The following ADARB2 variants were observed in gnomAD, a reference collection of about 807,000 sequenced individuals.
ADARB2 encodes the protein inactive double-stranded RNA-specific editase B2.
Under a neutral mutation model 62.2 loss-of-function variants are expected in ADARB2, and 25 were observed. The ratio of observed to expected loss-of-function variants is 0.40; its 90% CI spans 0.29 to 0.56. The LOEUF (loss-of-function observed/expected upper bound fraction) is 0.56. ADARB2 is among the 20% of genes least tolerant of loss of function. ADARB2 has a pLI of 0.43. For synonymous variants in ADARB2, 572 were observed against 500.8 expected (o/e 1.14, Z -1.90); for missense variants, 1,071 against 1,077.4 (o/e 0.99, Z 0.08).
chr10:1,523,461 C>G (rs1564316457), intron 1 of ADARB2, among the ~76,000 whole-genome samples: 1 of 152,124 alleles, frequency 6.6e-6, no homozygotes, highest in Non-Finnish European at 1.5e-5. Flanking sequence ...GCTTGCTGGG[C>G]CATCCCACCC....
At chr10:1,256,577 A>C (rs960786483) in intron 4 of ADARB2, among the ~76,000 whole-genome samples, 1 of 152,218 alleles carries the variant, frequency 6.6e-6, no homozygotes, top group Non-Finnish European at 1.5e-5. Context: ...CTCAAAATAC[A>C]TAGAATTTGG....
At chr10:1,605,244 C>T (rs934772629) in intron 1 of ADARB2, among the ~76,000 whole-genome samples, 10 of 152,176 alleles carry the variant, frequency 6.6e-5, no homozygotes, top group African/African-American at 1.4e-4. Context: ...GGTCCCTGAG[C>T]GCCTCGTTCC....
At chr10:1,274,158 C>G (rs1055095461) in intron 3 of ADARB2, among the ~76,000 whole-genome samples, 2 of 152,254 alleles carry the variant, frequency 1.3e-5, no homozygotes, top group Non-Finnish European at 2.9e-5. Context: ...GTCCGCCCCA[C>G]GGCACATGGG....
intron 1 of ADARB2, among the ~76,000 whole-genome samples, chr10:1,665,243 A>C (rs564058578): frequency 6.6e-6 from 1 of 152,356 alleles, no homozygotes; most frequent in Admixed American, 6.5e-5. Flanking sequence ...ATCTTTCCTT[A>C]ATATTTAAGA....
At chr10:1,375,120 G>T (rs1366583081) in intron 2 of ADARB2, among the ~76,000 whole-genome samples, 1 of 152,186 alleles carries the variant, frequency 6.6e-6, no homozygotes, top group Non-Finnish European at 1.5e-5. Context: ...AGCAGGTGCG[G>T]CTGTCAGGAA....
At chr10:1,256,587 GGGTA>G (rs563930013) in intron 4 of ADARB2, among the ~76,000 whole-genome samples, 2 of 152,136 alleles carry the variant, frequency 1.3e-5, no homozygotes, top group Non-Finnish European at 2.9e-5. Flanking sequence ...ATAGAATTTG[GGGTA>G]GGATACCACA....
At chr10:1,645,714 G>A (rs1834032084) in intron 1 of ADARB2, among the ~76,000 whole-genome samples, 3 of 151,782 alleles carry the variant, frequency 2.0e-5, no homozygotes, top group Non-Finnish European at 4.4e-5. Context: ...CCACCTCCCT[G>A]CCATCTACAC....
At chr10:1,478,347 T>C (rs1341026412) in intron 1 of ADARB2, among the ~76,000 whole-genome samples, 1 of 152,214 alleles carries the variant, frequency 6.6e-6, no homozygotes, top group East Asian at 1.9e-4. Context: ...GAGGTTTCCA[T>C]GGCTGGATAT....
chr10:1,185,822 C>G (rs1306025984), intron 8 of ADARB2, among the ~76,000 whole-genome samples: 1 of 152,214 alleles, frequency 6.6e-6, no homozygotes, highest in African/African-American at 2.4e-5. Context: ...GACTTTTAAC[C>G]CGGACCATAC....
chr10:1,201,116 A>G (rs985627506), intron 7 of ADARB2, among the ~76,000 whole-genome samples: 1 of 152,222 alleles, frequency 6.6e-6, no homozygotes, highest in Non-Finnish European at 1.5e-5. Flanking sequence ...TTTAAATTTT[A>G]TTCCAAAAAC....
rs115761769 is a variant in ADARB2 at position 1,603,227 on chromosome 10, T to C, written c.100+133824A>G. On this transcript the variant is annotated intron_variant, in intron 1 of 9. Transcript: ENST00000381312. Reference sequence around the variant, plus strand: ...CGGGGTGGAGCTGGGATGAGGAAGATGGATTCTTCGGACAATTGGTAGGCA... The same window carrying C: ...CGGGGTGGAGCTGGGATGAGGAAGACGGATTCTTCGGACAATTGGTAGGCA... Among the ~76,000 whole-genome samples the C allele has an allele frequency of 7.5e-3, 1,137 of 152,206 alleles. 16 individuals are homozygous for C. The highest frequency in any genetic ancestry group is 0.026 in the African/African-American group (1,083 of 41,494).
At chr10:1,407,412 C>T (rs1318549895) in intron 1 of ADARB2, among the ~76,000 whole-genome samples, 1 of 152,234 alleles carries the variant, frequency 6.6e-6, no homozygotes. Flanking sequence ...GGGTCTCTGG[C>T]TTAACCCCTG....
chr10:1,353,378 C>T (rs1050377623), intron 3 of ADARB2, among the ~76,000 whole-genome samples: 1 of 152,210 alleles, frequency 6.6e-6, no homozygotes, highest in African/African-American at 2.4e-5. Context: ...CCCTTTCTTC[C>T]AGCGCCTACA....
intron 1 of ADARB2, among the ~76,000 whole-genome samples, chr10:1,505,167 A>G (rs967301310): frequency 7.9e-5 from 12 of 151,914 alleles, no homozygotes; most frequent in Admixed American, 3.3e-4. Flanking sequence ...CAAAACACAC[A>G]TGAACACAAA....
intron 1 of ADARB2, among the ~76,000 whole-genome samples, chr10:1,665,023 C>T (rs1282472008): frequency 6.6e-6 from 1 of 152,122 alleles, no homozygotes; most frequent in Admixed American, 6.5e-5. Flanking sequence ...CATGCCGACA[C>T]CTTGACCAGG....
At chr10:1,474,290 C>G (rs546472755) in intron 1 of ADARB2, among the ~76,000 whole-genome samples, 1 of 152,308 alleles carries the variant, frequency 6.6e-6, no homozygotes, top group South Asian at 2.1e-4. Context: ...CGTTCCCGGC[C>G]CTCTGGGACG....
At chr10:1,400,626 T>A (rs1189012457) in intron 1 of ADARB2, among the ~76,000 whole-genome samples, 1 of 152,212 alleles carries the variant, frequency 6.6e-6, no homozygotes, top group African/African-American at 2.4e-5. Context: ...TAAAGCACCC[T>A]GAGCTACTGC....
intron 1 of ADARB2, among the ~76,000 whole-genome samples, chr10:1,543,738 C>T (rs1832473289): frequency 6.6e-6 from 1 of 152,164 alleles, no homozygotes. Context: ...TGCCTGTGCT[C>T]TCCTGAGCAG....
chr10:1,207,469 A>G (rs1184845031), intron 7 of ADARB2, among the ~76,000 whole-genome samples: 1 of 152,248 alleles, frequency 6.6e-6, no homozygotes, highest in Non-Finnish European at 1.5e-5. Flanking sequence ...GATTAGAACA[A>G]TGAACATCAC....
Sources: allele counts gnomAD v4.1 joint callset (sites outside exome capture counted in the v4.1 genomes callset), GRCh38; gene constraint gnomAD v4.1.1; transcripts MANE v1.5; gene names NCBI Gene and HGNC (gene_info 2026-07-23, HGNC 2026-07-21).